LRRC40: variants seen among roughly 807,000 people sequenced by gnomAD.
The protein encoded by LRRC40 is leucine rich repeat containing 40.
Under a neutral mutation model 72.8 loss-of-function variants are expected in LRRC40, and 76 were observed. That is an observed-to-expected ratio of 1.04 (90% CI 0.87 to 1.26). The LOEUF (loss-of-function observed/expected upper bound fraction) is 1.26. Among genes scored for constraint, LRRC40 ranks in the 50% most tolerant of loss-of-function variants. LRRC40 has a pLI of 0.00. For synonymous variants in LRRC40, 243 were observed against 254.2 expected (o/e 0.96, Z 0.42); for missense variants, 684 against 698.9 (o/e 0.98, Z 0.24).
intron 7 of LRRC40, among the ~76,000 whole-genome samples, 188 bp downstream of exon 7, chr1:70,175,621 TA>T (rs1668086181): frequency 6.6e-6 from 1 of 152,142 alleles, no homozygotes; most frequent in African/African-American, 2.4e-5. Flanking sequence ...CTGCTTCTAT[TA>T]TCATATCAAG....
At chr1:70,151,011 T>C (rs1182637650) in intron 13 of LRRC40, 117 bp downstream of exon 13, 1 of 557,344 alleles carries the variant, frequency 1.8e-6, no homozygotes, top group Non-Finnish European at 3.2e-6. Flanking sequence ...GAAAATAAAA[T>C]CTGGATATTG....
chr1:70,161,697 C>T (rs1312612917), intron 9 of LRRC40, among the ~76,000 whole-genome samples: 4 of 152,160 alleles, frequency 2.6e-5, no homozygotes, highest in African/African-American at 9.7e-5. Flanking sequence ...CAAATAGGCA[C>T]TGATCACTCT....
At chr1:70,196,369 G>A (rs1668609424) in intron 1 of LRRC40, among the ~76,000 whole-genome samples, 2 of 152,088 alleles carry the variant, frequency 1.3e-5, no homozygotes, top group Admixed American at 1.3e-4. Context: ...GGGAAAAAGA[G>A]CAAGACTTCG....
intron 9 of LRRC40, among the ~76,000 whole-genome samples, chr1:70,164,002 C>A (rs1667822694): frequency 6.6e-6 from 1 of 152,158 alleles, no homozygotes; most frequent in Non-Finnish European, 1.5e-5. Context: ...CATTTGGTCT[C>A]TGGTGGGGGC....
rs563868158 is a variant in LRRC40, at chr1:70,181,398, A to G, written c.538-189T>C. On this transcript the variant is annotated intron_variant, in intron 4 of 14. Transcript: ENST00000370952. ...TCATTCATTTCAAGATTGATTTTCAATATCTGCAGGCCCACTATATGTTCA... is the reference window on the plus strand; with the variant it reads ...TCATTCATTTCAAGATTGATTTTCAGTATCTGCAGGCCCACTATATGTTCA... 3.9e-5 allele frequency among the ~76,000 whole-genome samples: 6 copies of G among 152,216 alleles called. No individual in the cohort carries two copies. In the South Asian group the frequency reaches 1.0e-3, roughly 26 times the overall value.
chr1:70,164,377 C>T (rs1301137140), intron 9 of LRRC40, among the ~76,000 whole-genome samples: 9 of 151,794 alleles, frequency 5.9e-5, no homozygotes, highest in South Asian at 2.1e-4. Flanking sequence ...GCAACGAGAG[C>T]GAAACTCCAT....
At chr1:70,146,340 A>G (rs1667292644) in intron 14 of LRRC40, among the ~76,000 whole-genome samples, 2 of 152,138 alleles carry the variant, frequency 1.3e-5, no homozygotes, top group Admixed American at 1.3e-4. Context: ...GCCCCTTTTC[A>G]TATCTGAACA....
chr1:70,184,120 A>G (rs1668309095), intron 4 of LRRC40, among the ~76,000 whole-genome samples: 1 of 151,980 alleles, frequency 6.6e-6, no homozygotes, highest in East Asian at 1.9e-4. Context: ...GTAGAGGTGC[A>G]TGCCTGTAAT....
intron 9 of LRRC40, among the ~76,000 whole-genome samples, chr1:70,169,772 G>T (rs1667962158): frequency 6.6e-6 from 1 of 151,986 alleles, no homozygotes; most frequent in Non-Finnish European, 1.5e-5. Context: ...TATAACACGT[G>T]AAGAGTAATA....
intron 9 of LRRC40, among the ~76,000 whole-genome samples, chr1:70,160,283 C>T (rs1310103764): frequency 6.6e-6 from 1 of 152,112 alleles, no homozygotes; most frequent in Non-Finnish European, 1.5e-5. Context: ...TGCTTCAGCC[C>T]AGTAGGCATT....
intron 9 of LRRC40, among the ~76,000 whole-genome samples, chr1:70,169,589 T>C (rs777473816): frequency 6.6e-6 from 1 of 152,206 alleles, no homozygotes; most frequent in Admixed American, 6.5e-5. Flanking sequence ...CTCACATTAC[T>C]AGAATCAGAA....
At chr1:70,186,323 C>A (rs993781288) in intron 3 of LRRC40, among the ~76,000 whole-genome samples, 12 of 152,208 alleles carry the variant, frequency 7.9e-5, no homozygotes, top group African/African-American at 2.9e-4. Flanking sequence ...TTCCTCTCAA[C>A]AATCCCCACT....
chr1:70,202,365 G>A (rs972201738), intron 1 of LRRC40, among the ~76,000 whole-genome samples: 2 of 151,712 alleles, frequency 1.3e-5, no homozygotes, highest in Non-Finnish European at 2.9e-5. Flanking sequence ...AAAAAAAAAA[G>A]ATTAAGTCAT....
intron 1 of LRRC40, among the ~76,000 whole-genome samples, chr1:70,190,787 T>C (rs1313822803): frequency 1.3e-5 from 2 of 151,836 alleles, no homozygotes; most frequent in African/African-American, 4.8e-5. Flanking sequence ...TGTCTGATTA[T>C]GTATTCTCTG....
chr1:70,205,081 T>C (rs1322269310), intron 1 of LRRC40, among the ~76,000 whole-genome samples: 1 of 152,202 alleles, frequency 6.6e-6, no homozygotes, highest in African/African-American at 2.4e-5. Context: ...TGCCCGTGAT[T>C]TGATAGCTGG....
intron 3 of LRRC40, among the ~76,000 whole-genome samples, chr1:70,186,919 TA>T (rs1482697106): frequency 2.0e-5 from 3 of 152,094 alleles, no homozygotes; most frequent in Non-Finnish European, 4.4e-5. Flanking sequence ...ATTGTTTAGA[TA>T]TTTTTAGAAT....
rs564574016 is a variant in LRRC40, at chr1:70,172,765, C to G, written c.1111+700G>C. 1.5e-3 allele frequency among the ~76,000 whole-genome samples: 230 copies of G among 152,214 alleles called. 3 individuals are homozygous for G. In the Middle Eastern group the frequency reaches 0.017, roughly 11 times the overall value. ...ATCTTACTCATTTAATATATGTTGA[C>G]TGGCAACATAGTGCTAAGCTAAGCT... On this transcript the variant is annotated intron_variant, in intron 9 of 14. Transcript: ENST00000370952.
chr1:70,164,515 T>C (rs939380226), intron 9 of LRRC40, among the ~76,000 whole-genome samples: 2 of 152,082 alleles, frequency 1.3e-5, no homozygotes, highest in African/African-American at 4.8e-5. Context: ...TCAACAAAAT[T>C]GTAGAGGGGA....
chr1:70,201,792 G>C (rs1668745541), intron 1 of LRRC40, among the ~76,000 whole-genome samples: 1 of 151,994 alleles, frequency 6.6e-6, no homozygotes, highest in African/African-American at 2.4e-5. Flanking sequence ...GACCAACATG[G>C]AGAAACCCCG....
Sources: allele counts gnomAD v4.1 joint callset (sites outside exome capture counted in the v4.1 genomes callset), GRCh38; gene constraint gnomAD v4.1.1; transcripts MANE v1.5; gene names NCBI Gene and HGNC (gene_info 2026-07-23, HGNC 2026-07-21).